The following MALAT1 variants were observed in gnomAD, a reference collection of about 807,000 sequenced individuals.
MALAT1 encodes the protein metastasis associated lung adenocarcinoma transcript 1.
At chr11:65,499,798 GC>G in exon 3 of MALAT1, 1 of 417,524 alleles carries the variant, frequency 2.4e-6, no homozygotes, top group South Asian at 1.8e-5. Flanking sequence ...AAAAAGACAA[GC>G]TAGGAAACAA....
intron 1 of MALAT1, chr11:65,498,579 TCCG>T (rs781582603): frequency 2.3e-5 from 12 of 518,628 alleles, no homozygotes; most frequent in African/African-American, 2.3e-4. Flanking sequence ...GGGGAGAAAG[TCCG>T]CCATTTTGCC....
At chr11:65,501,224 ATT>A (rs143530985) in exon 3 of MALAT1, 172 of 229,490 alleles carry the variant, frequency 7.5e-4, no homozygotes, top group African/African-American at 6.7e-3. Context: ...AGTTTTCAGT[ATT>A]TTTTTTTGTG....
At chr11:65,500,154 C>G in exon 3 of MALAT1, 1 of 503,348 alleles carries the variant, frequency 2.0e-6, no homozygotes, top group South Asian at 1.5e-5. Context: ...TTAAAAATCA[C>G]ATCAAAAAGC....
chr11:65,506,417 C>T (rs992023354), exon 4 of MALAT1: 1 of 375,426 alleles, frequency 2.7e-6, no homozygotes, highest in Non-Finnish European at 5.2e-6. Context: ...TTTGAGAAGC[C>T]CTACTGCTGA....
At chr11:65,504,428 A>C (rs1854630583) in intron 3 of MALAT1, 1 of 518,752 alleles carries the variant, frequency 1.9e-6, no homozygotes, top group African/African-American at 1.9e-5. Context: ...TGCATTGTGA[A>C]ACGACTGGAG....
intron 3 of MALAT1, chr11:65,504,089 A>AG (rs1032488564): frequency 7.7e-6 from 4 of 517,854 alleles, no homozygotes; most frequent in African/African-American, 7.7e-5. Flanking sequence ...TATATAGGGA[A>AG]GGGAGGGGGT....
At chr11:65,504,482 T>A (rs770754674) in intron 3 of MALAT1, 5 of 518,852 alleles carry the variant, frequency 9.6e-6, no homozygotes, top group Admixed American at 5.8e-5. Context: ...GTAGTGATTG[T>A]TGAAGGAAAA....
At chr11:65,502,868 T>C (rs1320838407) in exon 3 of MALAT1, 2 of 494,478 alleles carry the variant, frequency 4.0e-6, no homozygotes, top group South Asian at 3.0e-5. Context: ...AGTTACGGAA[T>C]CTACCATTTT....
intron 1 of MALAT1, chr11:65,498,448 G>A (rs1475274685): frequency 1.9e-6 from 1 of 518,618 alleles, no homozygotes; most frequent in Admixed American, 1.9e-5. Context: ...CGTTTTCCAA[G>A]AGTGGGTTTT....
chr11:65,505,099 G>A, intron 3 of MALAT1: 1 of 519,004 alleles, frequency 1.9e-6, no homozygotes, highest in South Asian at 1.4e-5. Flanking sequence ...TCAGCTTTAT[G>A]CTGGAGTAAC....
At chr11:65,499,587 AC>A (rs1390101827) in exon 3 of MALAT1, 1 of 453,246 alleles carries the variant, frequency 2.2e-6, no homozygotes, top group Non-Finnish European at 4.4e-6. Flanking sequence ...CATTTACTAA[AC>A]GCAGACGAAA....
chr11:65,497,752 C>T (rs759666302), exon 1 of MALAT1: 2 of 429,264 alleles, frequency 4.7e-6, no homozygotes, highest in Admixed American at 5.4e-5. Flanking sequence ...GCCTGCAGCC[C>T]GAGACTTCTG....
At chr11:65,502,775 A>G (rs771463053) in exon 3 of MALAT1, 2 of 515,626 alleles carry the variant, frequency 3.9e-6, no homozygotes, top group African/African-American at 3.9e-5. Flanking sequence ...GGGAATAAGC[A>G]TAACCCTGAG....
chr11:65,498,785 AAT>A (rs773034304), intron 2 of MALAT1: 7 of 518,862 alleles, frequency 1.3e-5, no homozygotes, highest in Middle Eastern at 3.2e-4. Context: ...ACCCGTTTAA[AAT>A]ATGATTTCCA....
exon 3 of MALAT1, chr11:65,500,554 T>G (rs1554964961): frequency 1.9e-6 from 1 of 518,512 alleles, no homozygotes; most frequent in Non-Finnish European, 3.8e-6. Context: ...TGCGATTTGG[T>G]GAAGGAAGCT....
exon 3 of MALAT1, chr11:65,501,496 TA>T (rs768502022): frequency 1.9e-6 from 1 of 517,878 alleles, no homozygotes; most frequent in East Asian, 5.4e-5. Context: ...CTTAACCCCT[TA>T]AACTTGTTAT....
At chr11:65,501,731 C>T (rs1854550366) in exon 3 of MALAT1, 1 of 518,868 alleles carries the variant, frequency 1.9e-6, no homozygotes, top group Non-Finnish European at 3.8e-6. Flanking sequence ...CAGCACAGTG[C>T]AGCTTTGGTT....
chr11:65,504,375 G>C (rs1258195887), intron 3 of MALAT1: 1 of 518,098 alleles, frequency 1.9e-6, no homozygotes, highest in Non-Finnish European at 3.9e-6. Context: ...CTGTTCTGTT[G>C]GCAAGTAAAT....
At chr11:65,505,884 T>A (rs1565057713) in intron 3 of MALAT1, 1 of 442,384 alleles carries the variant, frequency 2.3e-6, no homozygotes, top group Admixed American at 2.6e-5. Flanking sequence ...CTGGAGAAGA[T>A]AGGCATTTGA....
Sources: gnomAD v4.1 joint callset for allele counts on GRCh38, gnomAD v4.1.1 for gene constraint, MANE v1.5 for transcripts, NCBI Gene and HGNC (gene_info 2026-07-23, HGNC 2026-07-21) for gene names.